DCBLD2: variants seen among roughly 807,000 people sequenced by gnomAD.
DCBLD2 encodes discoidin, CUB and LCCL domain containing 2.
In DCBLD2, 54 loss-of-function variants were observed where a neutral mutation model predicts 86.8. The observed-to-expected ratio is 0.62, with a 90% CI of 0.50 to 0.78. The LOEUF (loss-of-function observed/expected upper bound fraction) is 0.78, where lower values mean the gene tolerates loss of function less well. Among genes scored for constraint, DCBLD2 ranks in the 30% least tolerant of loss-of-function variants. DCBLD2 has a pLI of 0.00. For missense variants in DCBLD2, 908 were observed against 954.2 expected (o/e 0.95, Z 0.64); for synonymous variants, 354 against 341.3 (o/e 1.04, Z -0.41).
intron 2 of DCBLD2, among the ~76,000 whole-genome samples, chr3:98,879,962 T>C (rs1943437856): frequency 6.6e-6 from 1 of 152,240 alleles, no homozygotes; most frequent in Non-Finnish European, 1.5e-5. Context: ...TGGTACTGTC[T>C]GCTCCCTACT....
intron 2 of DCBLD2, among the ~76,000 whole-genome samples, chr3:98,870,864 T>A (rs542838274): frequency 1.3e-5 from 2 of 151,910 alleles, no homozygotes; most frequent in African/African-American, 4.8e-5. Context: ...AATCTGTAGA[T>A]TGTTTTGGGC....
chr3:98,822,620 A>G (rs1378531810), intron 5 of DCBLD2, 49 bp downstream of exon 5: 7 of 1,503,416 alleles, frequency 4.7e-6, no homozygotes. Flanking sequence ...GGAGTTCTAA[A>G]AAAATAGAGT....
intron 1 of DCBLD2, among the ~76,000 whole-genome samples, chr3:98,892,371 T>C (rs567209549): frequency 1.3e-5 from 2 of 152,228 alleles, no homozygotes; most frequent in Admixed American, 1.3e-4. Context: ...TACCCTGCCT[T>C]ATCCTTCTCT....
chr3:98,862,672 CT>C (rs1240862560), intron 2 of DCBLD2, among the ~76,000 whole-genome samples: 1 of 152,094 alleles, frequency 6.6e-6, no homozygotes, highest in South Asian at 2.1e-4. Context: ...ATTCAACAGC[CT>C]TTTATCCTAA....
At chr3:98,830,205 A>T (rs1942295673) in intron 3 of DCBLD2, among the ~76,000 whole-genome samples, 1 of 152,074 alleles carries the variant, frequency 6.6e-6, no homozygotes, top group Non-Finnish European at 1.5e-5. Context: ...TACTCTGTTG[A>T]TAGTTTCTTT....
chr3:98,866,599 A>C (rs966677856), intron 2 of DCBLD2, among the ~76,000 whole-genome samples: 7 of 152,246 alleles, frequency 4.6e-5, no homozygotes, highest in African/African-American at 1.7e-4. Context: ...GTAGATTCTC[A>C]ATATTAGCCC....
At chr3:98,886,359 G>A (rs1943562483) in intron 1 of DCBLD2, among the ~76,000 whole-genome samples, 1 of 151,940 alleles carries the variant, frequency 6.6e-6, no homozygotes, top group Non-Finnish European at 1.5e-5. Context: ...ACACTGGGAA[G>A]AATAATGATC....
At chr3:98,836,606 G>A (rs1942455757) in intron 3 of DCBLD2, among the ~76,000 whole-genome samples, 4 of 146,462 alleles carry the variant, frequency 2.7e-5, no homozygotes, top group Non-Finnish European at 6.1e-5. Context: ...ATGAGCTGTT[G>A]GGCACACCTC....
intron 2 of DCBLD2, among the ~76,000 whole-genome samples, chr3:98,857,733 T>C (rs1329540309): frequency 1.3e-5 from 2 of 152,038 alleles, no homozygotes; most frequent in South Asian, 2.1e-4. Flanking sequence ...CCCACTAGAG[T>C]AGCTAGATAC....
At chr3:98,836,570 G>T (rs1048030081) in intron 3 of DCBLD2, among the ~76,000 whole-genome samples, 1 of 150,528 alleles carries the variant, frequency 6.6e-6, no homozygotes, top group African/African-American at 2.4e-5. Flanking sequence ...CCACAAAGCC[G>T]CCATTGTCAT....
chr3:98,849,785 T>C (rs1445653174), intron 2 of DCBLD2, among the ~76,000 whole-genome samples, 187 bp from the exon 3 acceptor site: 1 of 152,182 alleles, frequency 6.6e-6, no homozygotes, highest in Non-Finnish European at 1.5e-5. Context: ...GTAATGTCTA[T>C]TCAAATGATT....
intron 9 of DCBLD2, among the ~76,000 whole-genome samples, chr3:98,817,160 C>T (rs552856203): frequency 2.0e-5 from 3 of 152,150 alleles, no homozygotes; most frequent in African/African-American, 7.2e-5. Context: ...TGAATAAGAC[C>T]CATCTCTGCC....
At chr3:98,841,708 A>C (rs183436929) in intron 3 of DCBLD2, among the ~76,000 whole-genome samples, 265 of 152,342 alleles carry the variant, frequency 1.7e-3, no homozygotes, top group Admixed American at 6.5e-3. Context: ...TGGTATAATG[A>C]CAACTATATT....
chr3:98,815,276 A>T (rs1396524935), intron 9 of DCBLD2: 3 of 152,206 alleles, frequency 2.0e-5, no homozygotes, highest in East Asian at 1.9e-4. Flanking sequence ...CACTGCCAAG[A>T]GGTAGAACAG....
At position 98,896,198 on chromosome 3, in the gene DCBLD2, A is replaced by G. The variant is rs540649661; in HGVS notation, c.205+4924T>C. The stretch of plus-strand genomic sequence containing the variant: ...CCTTGGAAATCATGAGTATCTCATC[A>G]GCTTCAGTGGGTACTGCACTGGCAC... On this transcript the variant is annotated intron_variant, in intron 1 of 15. Transcript: ENST00000326840. 2.6e-5 allele frequency among the ~76,000 whole-genome samples: 4 copies of G among 152,342 alleles called. No homozygotes were observed. The East Asian group carries it at 5.8e-4, about 22-fold the overall frequency.
chr3:98,870,029 G>C (rs547670936), intron 2 of DCBLD2, among the ~76,000 whole-genome samples: 1 of 152,310 alleles, frequency 6.6e-6, no homozygotes, highest in Non-Finnish European at 1.5e-5. Flanking sequence ...TGGGGTAAAT[G>C]ATGCAGCCGC....
At position 98,849,449 on chromosome 3, in the gene DCBLD2, G is replaced by A. The variant is rs1370409073; in HGVS notation, c.571+12C>T. On this transcript the variant is annotated intron_variant, in intron 3 of 15. Transcript: ENST00000326840. ...ACAAACTGTAGGAACCATTGCAAAA[G>A]GTGAAAATTACCTTGTTTATCTATA... The A allele has an allele frequency of 2.2e-5, 36 of 1,613,716 alleles. No individual in the cohort carries two copies. Among genetic ancestry groups the A allele is most frequent in the Admixed American group, 3.3e-5 (2 of 59,998 alleles).
At chr3:98,867,613 T>C (rs1943176784) in intron 2 of DCBLD2, among the ~76,000 whole-genome samples, 1 of 152,154 alleles carries the variant, frequency 6.6e-6, no homozygotes, top group South Asian at 2.1e-4. Context: ...CTTCAACACA[T>C]ATCCTTAGAA....
intron 1 of DCBLD2, chr3:98,900,873 T>C (rs767873134): frequency 6.1e-5 from 37 of 601,950 alleles, no homozygotes; most frequent in East Asian, 3.2e-4. Flanking sequence ...GAGGCTTTCA[T>C]AGCAGGGTCT....
Sources: gnomAD v4.1 joint callset for allele counts (sites outside exome capture counted in the v4.1 genomes callset) on GRCh38, gnomAD v4.1.1 for gene constraint, MANE v1.5 for transcripts, NCBI Gene and HGNC (gene_info 2026-07-23, HGNC 2026-07-21) for gene names.